The following FAM234B variants were observed in gnomAD, a reference collection of about 807,000 sequenced individuals.
FAM234B encodes protein FAM234B.
In FAM234B, 33 loss-of-function variants were observed where a neutral mutation model predicts 69.3. The observed-to-expected ratio is 0.48, with a 90% CI of 0.36 to 0.64. The LOEUF (loss-of-function observed/expected upper bound fraction) is 0.64, where lower values mean the gene tolerates loss of function less well. Among genes scored for constraint, FAM234B ranks in the 30% least tolerant of loss-of-function variants. FAM234B has a pLI of 0.00. For missense variants in FAM234B, 697 were observed against 769.7 expected, an observed-to-expected ratio of 0.91 and a Z score of 1.12; for synonymous variants, 306 against 306.9, an observed-to-expected ratio of 1.00 and a Z score of 0.03.
chr12:13,073,147 T>C (rs1289702356), intron 10 of FAM234B, among the ~76,000 whole-genome samples: 1 of 150,666 alleles, frequency 6.6e-6, no homozygotes, highest in Non-Finnish European at 1.5e-5. Flanking sequence ...ATCATTCTTT[T>C]TTTGTCTTTT....
intron 10 of FAM234B, among the ~76,000 whole-genome samples, chr12:13,073,700 G>A (rs192129583): frequency 6.6e-6 from 1 of 152,184 alleles, no homozygotes; most frequent in South Asian, 2.1e-4. Flanking sequence ...CACCCATCCC[G>A]TGGAAAGTTC....
At chr12:13,055,526 A>G in intron 1 of FAM234B, 25 bp from the exon 2 acceptor site, 2 of 1,559,546 alleles carry the variant, frequency 1.3e-6, no homozygotes, top group Non-Finnish European at 1.7e-6. Context: ...GTTCCCCTTG[A>G]CTCTCTGTTT....
chr12:13,074,334 A>G (rs1413614812), intron 10 of FAM234B, among the ~76,000 whole-genome samples: 2 of 152,246 alleles, frequency 1.3e-5, no homozygotes, highest in African/African-American at 4.8e-5. Context: ...AAATGCTTTA[A>G]TAGAGGTACA....
intron 1 of FAM234B, among the ~76,000 whole-genome samples, chr12:13,049,097 A>G (rs1234500096): frequency 1.3e-5 from 2 of 152,214 alleles, no homozygotes; most frequent in Non-Finnish European, 2.9e-5. Context: ...CTAATTACTT[A>G]AACTTCCAAG....
intron 1 of FAM234B, among the ~76,000 whole-genome samples, chr12:13,055,231 G>A (rs1475721795): frequency 6.6e-6 from 1 of 152,228 alleles, no homozygotes; most frequent in African/African-American, 2.4e-5. Flanking sequence ...TTTCTTGAGT[G>A]AGATTCAAAC....
At chr12:13,070,256 T>C (rs1017970182) in intron 9 of FAM234B, among the ~76,000 whole-genome samples, 1 of 150,628 alleles carries the variant, frequency 6.6e-6, no homozygotes, top group Non-Finnish European at 1.5e-5. Flanking sequence ...TAGTGCAGTG[T>C]CTCTAGACTT....
At chr12:13,045,560 A>ATGGCATCCAT (rs1285796318) in intron 1 of FAM234B, among the ~76,000 whole-genome samples, 1 of 152,110 alleles carries the variant, frequency 6.6e-6, no homozygotes, top group Non-Finnish European at 1.5e-5. Flanking sequence ...TGCCATTTGG[A>ATGGCATCCAT]TGACGCTAGG....
Position 13,067,175 on chromosome 12 carries a change from C to T in FAM234B, c.1021C>T (p.Leu341=). 1 of 1,614,016 alleles carries T rather than the reference C, an allele frequency of 6.2e-7. No individual in the cohort carries two copies. The highest frequency in any genetic ancestry group is 8.5e-7 in the Non-Finnish European group (1 of 1,179,906). The change falls in exon 7 of 13, where the codon CTG becomes TTG. Residue 341 remains leucine (L), a synonymous_variant. Transcript: ENST00000197268. The surrounding 1 kb of genome is among the most constrained non-coding windows in gnomAD (Gnocchi z 4.7). The part of the protein sequence containing the change: ...FGFGNIQAVA[L]RDIFVQAQNR... ...GCTAGGAAATATACAAGCTGTCGCACTGCGGGACATTTTTGTTCAGGCCCA... is the reference window on the plus strand; with the variant it reads ...GCTAGGAAATATACAAGCTGTCGCATTGCGGGACATTTTTGTTCAGGCCCA...
chr12:13,046,450 GTTTT>G (rs200997801), intron 1 of FAM234B, among the ~76,000 whole-genome samples: 21 of 151,556 alleles, frequency 1.4e-4, no homozygotes, highest in African/African-American at 5.1e-4. Context: ...TTCTTTGTTT[GTTTT>G]TTTGTTTGTT....
intron 10 of FAM234B, among the ~76,000 whole-genome samples, chr12:13,073,797 A>G (rs1467316388): frequency 6.6e-6 from 1 of 152,202 alleles, no homozygotes. Context: ...GCTGTTAATC[A>G]TTGGTTCTCT....
intron 2 of FAM234B, 71 bp downstream of exon 2, chr12:13,056,017 T>A: frequency 7.0e-7 from 1 of 1,425,146 alleles, no homozygotes. Flanking sequence ...TAAATTTTCC[T>A]CCAAATCTTA....
intron 1 of FAM234B, among the ~76,000 whole-genome samples, chr12:13,052,589 C>T (rs889076259): frequency 6.6e-6 from 1 of 152,142 alleles, no homozygotes; most frequent in Non-Finnish European, 1.5e-5. Flanking sequence ...TACTCAGTAA[C>T]AACTTTTCCT....
In FAM234B at chr12:13,081,147, T is replaced by C. The variant is rs1865222304; in HGVS notation, c.*517T>C. The C allele has an allele frequency of 6.6e-6, 1 of 152,492 alleles. No homozygotes were observed. The highest frequency in any genetic ancestry group is 2.4e-5 in the African/African-American group (1 of 41,466). 9.4% of individuals were successfully genotyped at this position (152,492 alleles called of 1,614,324 possible). A position where few individuals can be genotyped will look rare whatever the true frequency, so the allele number is the denominator to read the frequency against. On this transcript the variant is annotated 3_prime_UTR_variant, in exon 13 of 13. Coordinates refer to ENST00000197268, the MANE Select transcript of FAM234B (RefSeq NM_020853.2). ...TACCTCTGATGTTGAGGGCCACTTA[T>C]TTCTCTCCTTATTCTTTCCCACCTG...
chr12:13,048,302 G>C (rs1269472713), intron 1 of FAM234B, among the ~76,000 whole-genome samples: 1 of 152,196 alleles, frequency 6.6e-6, no homozygotes, highest in African/African-American at 2.4e-5. Context: ...TTAGTGACTT[G>C]ATTCTTTTTC....
chr12:13,045,456 TG>T (rs911720995), intron 1 of FAM234B, among the ~76,000 whole-genome samples: 1 of 152,152 alleles, frequency 6.6e-6, no homozygotes, highest in Non-Finnish European at 1.5e-5. Context: ...GAGGGCTATT[TG>T]GGTTTTGGTT....
rs921370324 is a variant in FAM234B at position 13,075,665 on chromosome 12, A to G, written c.1525-361A>G. On this transcript the variant is annotated intron_variant, in intron 10 of 12. Transcript: ENST00000197268. ...GGGACAGGGTTTCTCCATGTTGGCC[A>G]GGCTGGTCTCGAACTCCTGACCTCA... 4.3e-5 allele frequency among the ~76,000 whole-genome samples: 6 copies of G among 140,748 alleles called. No homozygotes were observed. In the Admixed American group the frequency reaches 4.5e-4, roughly 11 times the overall value. The allele number at this position is 140,748 out of a possible 152,430, so 92.3% of individuals were successfully genotyped here. A position where few individuals can be genotyped will look rare whatever the true frequency, so the allele number is the denominator to read the frequency against.
At chr12:13,050,044 C>A (rs1350747671) in intron 1 of FAM234B, among the ~76,000 whole-genome samples, 1 of 152,204 alleles carries the variant, frequency 6.6e-6, no homozygotes, top group East Asian at 1.9e-4. Flanking sequence ...GTGTGGATGT[C>A]TCTATCCTGG....
At chr12:13,056,787 C>T (rs1374768154) in intron 2 of FAM234B, among the ~76,000 whole-genome samples, 1 of 152,178 alleles carries the variant, frequency 6.6e-6, no homozygotes, top group Non-Finnish European at 1.5e-5. Flanking sequence ...CCTTCACAAT[C>T]TCTTGTGTGT....
intron 1 of FAM234B, among the ~76,000 whole-genome samples, chr12:13,049,091 T>C (rs1437787736): frequency 6.6e-6 from 1 of 152,218 alleles, no homozygotes; most frequent in Non-Finnish European, 1.5e-5. Context: ...CATCCGCTAA[T>C]TACTTAAACT....
Sources: allele counts gnomAD v4.1 joint callset (sites outside exome capture counted in the v4.1 genomes callset), GRCh38; gene constraint gnomAD v4.1.1; non-coding constraint Gnocchi (gnomAD v3.1); transcripts MANE v1.5; gene names NCBI Gene and HGNC (gene_info 2026-07-23, HGNC 2026-07-21).